Variants in STAT3 observed in about 807,000 individuals in gnomAD.
STAT3 encodes DNA-binding protein APRF.
A neutral mutation model predicts 114.3 loss-of-function variants in STAT3; 7 were observed. The ratio of observed to expected loss-of-function variants is 0.06; its 90% CI spans 0.03 to 0.11. The LOEUF (loss-of-function observed/expected upper bound fraction) is 0.11, where lower values mean the gene tolerates loss of function less well. Among genes scored for constraint, STAT3 ranks in the 10% least tolerant of loss-of-function variants. The pLI is 1.00. For synonymous variants in STAT3, 331 were observed against 354.5 expected (o/e 0.93, Z 0.74); for missense variants, 364 against 960.9 (o/e 0.38, Z 8.21).
At position 42,316,871 on chromosome 17, in the gene STAT3, C is replaced by T. The variant is rs2081271267; in HGVS notation, c.2175G>A (p.Pro725=). ...PTTCSNTIDL[P]MSPRTLDSLM... Reference sequence around the variant, plus strand: ...ATGAATCTAAAGTGCGGGGGGACATCGGCAGGTCAATGGTATTGCTGCAGG... The same window carrying T: ...ATGAATCTAAAGTGCGGGGGGACATTGGCAGGTCAATGGTATTGCTGCAGG... The change falls in exon 23 of 24, where the codon CCG becomes CCA. Residue 725 remains proline, a synonymous_variant. Coordinates refer to ENST00000264657, the MANE Select transcript of STAT3 (RefSeq NM_139276.3). 3 of 1,612,004 alleles carry T rather than the reference C, an allele frequency of 1.9e-6. No individual in the cohort carries two copies. The highest frequency in any genetic ancestry group is 2.5e-6 in the Non-Finnish European group (3 of 1,179,744).
chr17:42,332,564 C>G (rs1372753385), intron 10 of STAT3, among the ~76,000 whole-genome samples: 1 of 145,266 alleles, frequency 6.9e-6, no homozygotes, highest in African/African-American at 2.6e-5. Flanking sequence ...AAAAAAAGGC[C>G]GAGCGTGGTG....
rs561673659 is a variant in STAT3 at position 42,315,484 on chromosome 17, C to T, written c.*261G>A. ...TTCCTTTTTCTCCCTCTAGCCACCCCCCGCCACATCCCCTGATCATGGGTC... is the reference window on the plus strand; with the variant it reads ...TTCCTTTTTCTCCCTCTAGCCACCCTCCGCCACATCCCCTGATCATGGGTC... On this transcript the variant is annotated 3_prime_UTR_variant, in exon 24 of 24. Transcript: ENST00000264657. 2 of 587,946 alleles carry T rather than the reference C, an allele frequency of 3.4e-6. No individual in the cohort carries two copies. The highest frequency in any genetic ancestry group is 4.6e-4 in the Middle Eastern group (1 of 2,168). 36.4% of individuals were successfully genotyped at this position (587,946 alleles called of 1,614,324 possible). A position where few individuals can be genotyped will look rare whatever the true frequency, so the allele number is the denominator to read the frequency against.
intron 1 of STAT3, among the ~76,000 whole-genome samples, chr17:42,361,591 G>A (rs1419376582): frequency 6.6e-6 from 1 of 152,036 alleles, no homozygotes; most frequent in African/African-American, 2.4e-5. Flanking sequence ...TCAGAGCAGA[G>A]ATCAGGGCTC....
At chr17:42,352,028 C>T (rs1465226381) in intron 1 of STAT3, among the ~76,000 whole-genome samples, 1 of 151,844 alleles carries the variant, frequency 6.6e-6, no homozygotes, top group Non-Finnish European at 1.5e-5. Context: ...ACAGTGAGAT[C>T]CTGCTTATAA....
At chr17:42,347,092 G>C (rs2082731300) in intron 2 of STAT3, among the ~76,000 whole-genome samples, 1 of 151,348 alleles carries the variant, frequency 6.6e-6, no homozygotes, top group Admixed American at 6.6e-5. Context: ...GGAGGCTGAG[G>C]CGGGAGAATC....
chr17:42,368,886 C>T (rs946439509), intron 1 of STAT3, among the ~76,000 whole-genome samples: 3 of 151,986 alleles, frequency 2.0e-5, no homozygotes, highest in Admixed American at 2.0e-4. Flanking sequence ...TTTTCTGTTC[C>T]TCTCCCTCCT....
At chr17:42,346,068 G>T (rs996979082) in intron 3 of STAT3, among the ~76,000 whole-genome samples, 6 of 151,904 alleles carry the variant, frequency 3.9e-5, no homozygotes, top group African/African-American at 1.5e-4. Flanking sequence ...TGTAGAGATG[G>T]TGTCTTGTTA....
At chr17:42,348,622 G>T in intron 1 of STAT3, 83 bp from the exon 2 acceptor site, 1 of 1,515,506 alleles carries the variant, frequency 6.6e-7, no homozygotes, top group Non-Finnish European at 9.1e-7. Flanking sequence ...CAACACAGGT[G>T]TCAGGTCTGT....
intron 22 of STAT3, 103 bp from the exon 23 acceptor site, chr17:42,317,004 G>C (rs1052226706): frequency 3.8e-6 from 6 of 1,560,488 alleles, no homozygotes; most frequent in Non-Finnish European, 5.2e-6. Flanking sequence ...ATCAAACTCT[G>C]GTCTCCAACA....
chr17:42,343,890 G>A (rs2082567654), intron 4 of STAT3, among the ~76,000 whole-genome samples: 1 of 152,084 alleles, frequency 6.6e-6, no homozygotes, highest in Admixed American at 6.6e-5. Context: ...TGTTAGTTTT[G>A]TTTCTCTTGG....
In STAT3 at chr17:42,324,436, A is replaced by G. The variant is rs1364359843; in HGVS notation, c.1600+275T>C. Among the ~76,000 whole-genome samples, 2 of 152,164 alleles carry G rather than the reference A, an allele frequency of 1.3e-5. No individual in the cohort carries two copies. Among genetic ancestry groups the G allele is most frequent in the African/African-American group, 4.8e-5 (2 of 41,434 alleles). ...CCACCTTCCAACACACACTTAAAAG[A>G]TCTTCTAAAGTTAGATAGAGTGGGT... On this transcript the variant is annotated intron_variant, in intron 17 of 23. Coordinates refer to ENST00000264657, the MANE Select transcript of STAT3 (RefSeq NM_139276.3). This position sits in a 1 kb window ranked among gnomAD's most constrained non-coding sequence, Gnocchi z 4.5.
In STAT3 at chr17:42,369,994, C is replaced by T. The variant is rs572678573; in HGVS notation, c.-24+18285G>A. On this transcript the variant is annotated intron_variant, in intron 1 of 23. Transcript: ENST00000264657. ...GGTTTTTTGTTGTTGTTTTTTGAGACGGAGTCTTGCTCTGTCGCCCAGACT... is the reference window on the plus strand; with the variant it reads ...GGTTTTTTGTTGTTGTTTTTTGAGATGGAGTCTTGCTCTGTCGCCCAGACT... 5.3e-5 allele frequency among the ~76,000 whole-genome samples: 8 copies of T among 152,064 alleles called. No individual in the cohort carries two copies. The East Asian group carries it at 5.8e-4, about 11-fold the overall frequency.
intron 1 of STAT3, among the ~76,000 whole-genome samples, chr17:42,361,414 C>T (rs1442860570): frequency 3.3e-5 from 5 of 150,788 alleles, no homozygotes; most frequent in African/African-American, 1.2e-4. Context: ...ACCCGGGAGG[C>T]GGAGGTTGCA....
intron 1 of STAT3, among the ~76,000 whole-genome samples, chr17:42,379,409 CAGGAAAATAAAGGTCT>C (rs2084653032): frequency 6.6e-6 from 1 of 152,156 alleles, no homozygotes; most frequent in South Asian, 2.1e-4. Flanking sequence ...AGTTACAGGA[CAGGAAAATAAAGGTCT>C]ACCCCTCCAA....
intron 2 of STAT3, among the ~76,000 whole-genome samples, chr17:42,347,203 A>AAAAAAC (rs576843040): frequency 6.9e-6 from 1 of 144,872 alleles, no homozygotes; most frequent in Non-Finnish European, 1.5e-5. Flanking sequence ...AAAAAAAAAA[A>AAAAAAC]CCACAAAACA....
chr17:42,381,562 A>G (rs2084798151), intron 1 of STAT3, among the ~76,000 whole-genome samples: 1 of 150,356 alleles, frequency 6.7e-6, no homozygotes, highest in Non-Finnish European at 1.5e-5. Context: ...TGTCGCTACT[A>G]AAAATATAAA....
intron 1 of STAT3, among the ~76,000 whole-genome samples, chr17:42,371,327 G>A (rs1240176524): frequency 6.6e-6 from 1 of 152,014 alleles, no homozygotes; most frequent in Non-Finnish European, 1.5e-5. Context: ...GCGACTGGGT[G>A]GAGGGCCACA....
chr17:42,317,516 G>T, intron 21 of STAT3: 1 of 513,730 alleles, frequency 1.9e-6, no homozygotes. Context: ...GCCACCTTGT[G>T]TCCCTTCTTT....
At chr17:42,380,849 G>A (rs960534221) in intron 1 of STAT3, among the ~76,000 whole-genome samples, 4 of 152,144 alleles carry the variant, frequency 2.6e-5, no homozygotes, top group Non-Finnish European at 2.9e-5. Flanking sequence ...GGAGGTCAAG[G>A]CTGTCATGAG....
Sources: gnomAD v4.1 joint callset for allele counts (sites outside exome capture counted in the v4.1 genomes callset) on GRCh38, gnomAD v4.1.1 for gene constraint, Gnocchi (gnomAD v3.1) non-coding constraint, MANE v1.5 for transcripts, NCBI Gene and HGNC (gene_info 2026-07-23, HGNC 2026-07-21) for gene names.